RARA: variants seen among roughly 807,000 people sequenced by gnomAD.
RARA encodes the protein PML-DDX5-RARA fusion.
A neutral mutation model predicts 42.8 loss-of-function variants in RARA; 5 were observed. The observed-to-expected ratio is 0.12, with a 90% confidence interval of 0.06 to 0.25. The LOEUF is 0.25. Ranked by LOEUF, RARA falls within the 10% of genes least tolerant of loss-of-function variation. RARA has a pLI of 1.00. For missense variants in RARA, 402 were observed against 628.7 expected (o/e 0.64, Z 3.86); for synonymous variants, 256 against 259.5 (o/e 0.99, Z 0.13).
chr17:40,312,598 A>C (rs1479089457), intron 1 of RARA, among the ~76,000 whole-genome samples: 1 of 152,208 alleles, frequency 6.6e-6, no homozygotes, highest in Admixed American at 6.5e-5. Context: ...GGAGTGAGGA[A>C]GGGCCAGAGG....
chr17:40,324,642 T>C (rs2033486434), intron 1 of RARA, among the ~76,000 whole-genome samples: 1 of 152,176 alleles, frequency 6.6e-6, no homozygotes. Flanking sequence ...TCTGTGTAGC[T>C]GGGGAAAAAC....
chr17:40,311,848 A>G (rs1368990206), intron 1 of RARA, among the ~76,000 whole-genome samples: 1 of 152,144 alleles, frequency 6.6e-6, no homozygotes, highest in Non-Finnish European at 1.5e-5. Flanking sequence ...CTGGCACTGT[A>G]GCACCCCAGC....
Position 40,354,752 on chromosome 17 carries a change from C to T in RARA, c.1012+246C>T, listed in dbSNP as rs1460596294. 6.6e-6 allele frequency among the ~76,000 whole-genome samples: 1 copy of T among 152,172 alleles called. No homozygotes were observed. The highest frequency in any genetic ancestry group is 6.5e-5 in the Admixed American group (1 of 15,282). On this transcript the variant is annotated intron_variant, in intron 7 of 8. Transcript: ENST00000254066. This position sits in a 1 kb window ranked among gnomAD's most constrained non-coding sequence, Gnocchi z 4.5. ...GGACCAACCAGGGTCACCTCCTGGC[C>T]GATGCATGACCCTGAGCAGGTTGCT... is the stretch of plus-strand genomic sequence containing the variant.
rs960112620 is a variant in RARA at position 40,357,467 on chromosome 17, C to T, written c.*1241C>T. On this transcript the variant is annotated 3_prime_UTR_variant, in exon 9 of 9. Coordinates refer to ENST00000254066, the MANE Select transcript of RARA (RefSeq NM_000964.4). ...CGTGCCCCCTCCTTACCCCGCAGGACGGGCCTACAGGGGGGTCTCCCCTCA... is the reference window on the plus strand; with the variant it reads ...CGTGCCCCCTCCTTACCCCGCAGGATGGGCCTACAGGGGGGTCTCCCCTCA... The T allele has an allele frequency of 1.8e-4, 40 of 228,492 alleles. No homozygotes were observed. Among genetic ancestry groups the T allele is most frequent in the Middle Eastern group, 1.3e-3 (1 of 788 alleles). 14.2% of individuals were successfully genotyped at this position (228,492 alleles called of 1,614,324 possible).
At chr17:40,349,577 G>A in intron 3 of RARA, 1 of 589,482 alleles carries the variant, frequency 1.7e-6, no homozygotes, top group Non-Finnish European at 2.9e-6. Flanking sequence ...CCATCCTGCA[G>A]TGTTGAGGCA....
chr17:40,344,658 C>T (rs575781552), intron 2 of RARA, among the ~76,000 whole-genome samples: 1 of 152,314 alleles, frequency 6.6e-6, no homozygotes, highest in South Asian at 2.1e-4. Flanking sequence ...GACCTGTCCC[C>T]ACATCCATTC....
intron 2 of RARA, among the ~76,000 whole-genome samples, chr17:40,333,516 A>G (rs1014601564): frequency 5.3e-5 from 8 of 150,792 alleles, no homozygotes; most frequent in South Asian, 4.2e-4. Flanking sequence ...TTGTATTTTT[A>G]GTAGAGATGG....
intron 2 of RARA, among the ~76,000 whole-genome samples, chr17:40,339,781 T>C (rs1460300739): frequency 6.6e-6 from 1 of 152,216 alleles, no homozygotes; most frequent in Non-Finnish European, 1.5e-5. Context: ...ATTTGGGACA[T>C]CTTTTCCTGA....
chr17:40,354,281 C>A lies in RARA; in HGVS notation c.808-21C>A. On this transcript the variant is annotated intron_variant, in intron 6 of 8. Transcript: ENST00000254066. This position sits in a 1 kb window ranked among gnomAD's most constrained non-coding sequence, Gnocchi z 4.5. ...GTGGGTTCGGGTTCAGTCCCTGAAC[C>A]CAAGCATCCTCTGCACCCAGATCCT... 6.2e-7 allele frequency: 1 copy of A among 1,612,200 alleles called. No individual in the cohort carries two copies. Among genetic ancestry groups the A allele is most frequent in the Non-Finnish European group, 8.5e-7 (1 of 1,179,072 alleles).
intron 4 of RARA, among the ~76,000 whole-genome samples, chr17:40,350,820 A>G (rs1181512916): frequency 1.3e-5 from 2 of 151,692 alleles, no homozygotes; most frequent in Non-Finnish European, 2.9e-5. Context: ...GAGCCCAGGA[A>G]GTGGCTCCTG....
At chr17:40,322,480 C>A (rs1048089662) in intron 1 of RARA, among the ~76,000 whole-genome samples, 2 of 152,096 alleles carry the variant, frequency 1.3e-5, no homozygotes, top group Non-Finnish European at 1.5e-5. Flanking sequence ...TGTCACTGTA[C>A]CCCGCAGGCA....
intron 1 of RARA, among the ~76,000 whole-genome samples, chr17:40,321,699 G>T (rs1295590428): frequency 6.6e-6 from 1 of 152,208 alleles, no homozygotes; most frequent in East Asian, 1.9e-4. Context: ...CTGGGGAGCC[G>T]GTGGGGGGAT....
intron 2 of RARA, chr17:40,342,049 C>T (rs1315538143): frequency 1.9e-6 from 2 of 1,054,196 alleles, no homozygotes; most frequent in African/African-American, 1.7e-5. Flanking sequence ...CCGCTGCAGC[C>T]GGACGCGCCG....
At chr17:40,317,697 C>CT (rs200426208) in intron 1 of RARA, among the ~76,000 whole-genome samples, 3,598 of 144,116 alleles carry the variant, frequency 0.025, 286 homozygotes, top group Admixed American at 0.17. Context: ...CTCCTGGACT[C>CT]TTTTTTTTTT....
intron 1 of RARA, among the ~76,000 whole-genome samples, chr17:40,319,826 G>A (rs372666827): frequency 5.3e-5 from 8 of 152,212 alleles, no homozygotes; most frequent in Non-Finnish European, 8.8e-5. Context: ...AGGGGGCCGG[G>A]GGGGGCGGGT....
chr17:40,337,605 C>T (rs1428964982), intron 2 of RARA, among the ~76,000 whole-genome samples: 1 of 152,136 alleles, frequency 6.6e-6, no homozygotes, highest in Non-Finnish European at 1.5e-5. Context: ...AATGTAAAAG[C>T]CACAGTTCTT....
At chr17:40,317,397 G>T (rs763891755) in intron 1 of RARA, among the ~76,000 whole-genome samples, 5 of 152,196 alleles carry the variant, frequency 3.3e-5, no homozygotes, top group Non-Finnish European at 7.4e-5. Flanking sequence ...CTGTATTGGG[G>T]ACTGGGGGTC....
intron 2 of RARA, among the ~76,000 whole-genome samples, chr17:40,338,578 C>T (rs1051134439): frequency 6.6e-6 from 1 of 152,042 alleles, no homozygotes; most frequent in Non-Finnish European, 1.5e-5. Flanking sequence ...CACGGTGGCT[C>T]ACACCTATAA....
chr17:40,357,151 C>T lies in RARA; in HGVS notation c.*925C>T, dbSNP rs1475504093. On this transcript the variant is annotated 3_prime_UTR_variant, in exon 9 of 9. Coordinates refer to ENST00000254066, the MANE Select transcript of RARA (RefSeq NM_000964.4). ...GCATGGAGCAGGGCAGAGCAAGGGC[C>T]CCGGGACAGAGTTTTCCCAGACCTG... 4.2e-6 allele frequency: 1 copy of T among 239,554 alleles called. No homozygotes were observed. The highest frequency in any genetic ancestry group is 8.2e-6 in the Non-Finnish European group (1 of 121,742). The allele number at this position is 239,554 out of a possible 1,614,324, so 14.8% of individuals were successfully genotyped here.
Sources: gnomAD v4.1 joint callset for allele counts (sites outside exome capture counted in the v4.1 genomes callset) on GRCh38, gnomAD v4.1.1 for gene constraint, Gnocchi (gnomAD v3.1) non-coding constraint, MANE v1.5 for transcripts, NCBI Gene and HGNC (gene_info 2026-07-23, HGNC 2026-07-21) for gene names.